Variants in ENKUR observed in about 807,000 individuals in gnomAD.
ENKUR encodes the protein enkurin.
ENKUR carries 19 observed loss-of-function variants against 27.6 expected under a neutral mutation model. The ratio of observed to expected loss-of-function variants is 0.69; its 90% confidence interval spans 0.48 to 1.01. ENKUR has a LOEUF of 1.01. Among genes scored for constraint, ENKUR ranks in the 50% least tolerant of loss-of-function variants. ENKUR has a pLI of 0.00. For missense variants in ENKUR, 312 were observed against 310.5 expected, an observed-to-expected ratio of 1.00 and a Z score of -0.04; for synonymous variants, 117 against 96.9, an observed-to-expected ratio of 1.21 and a Z score of -1.22.
At chr10:25,045,813 T>C (rs577343581) in intron 2 of ENKUR, among the ~76,000 whole-genome samples, 32 of 152,304 alleles carry the variant, frequency 2.1e-4, no homozygotes, top group Admixed American at 1.8e-3. Flanking sequence ...TGCAAGCTTA[T>C]GGTGACACTT....
intron 2 of ENKUR, among the ~76,000 whole-genome samples, chr10:25,054,964 T>C (rs187892290): frequency 3.9e-5 from 6 of 152,266 alleles, no homozygotes; most frequent in African/African-American, 1.4e-4. Flanking sequence ...CGTGAGCCAC[T>C]GCACCTGGCT....
At chr10:24,984,484 T>C in intron 5 of ENKUR, 108 bp from the exon 6 acceptor site, 1 of 1,337,810 alleles carries the variant, frequency 7.5e-7, no homozygotes, top group South Asian at 1.4e-5. Context: ...ATGAATTACA[T>C]TGTGGAACTG....
chr10:25,014,440 A>G (rs1211750431), intron 1 of ENKUR, among the ~76,000 whole-genome samples: 1 of 152,202 alleles, frequency 6.6e-6, no homozygotes, highest in Non-Finnish European at 1.5e-5. Context: ...GAACAGATAT[A>G]CTAGTGCAAT....
chr10:24,995,544 G>T, intron 3 of ENKUR, 102 bp downstream of exon 3: 1 of 1,037,570 alleles, frequency 9.6e-7, no homozygotes, highest in Non-Finnish European at 1.4e-6. Context: ...TAGACAATGT[G>T]TCCAATGAGA....
intron 2 of ENKUR, among the ~76,000 whole-genome samples, chr10:25,035,407 T>C (rs12261100): frequency 0.1 from 15,335 of 152,054 alleles, 2,232 homozygotes; most frequent in African/African-American, 0.33. Context: ...CTACAAAAAT[T>C]AGCTGGGCGT....
chr10:25,020,278 A>ATC (rs1169344482), upstream of ENKUR, among the ~76,000 whole-genome samples: 45 of 148,934 alleles, frequency 3.0e-4, no homozygotes, highest in East Asian at 1.8e-3. Flanking sequence ...CTATATCTAT[A>ATC]TATATCTACC....
chr10:25,002,483 G>A (rs574939130), intron 1 of ENKUR, among the ~76,000 whole-genome samples: 1 of 152,284 alleles, frequency 6.6e-6, no homozygotes, highest in South Asian at 2.1e-4. Context: ...TCTCCAGAGA[G>A]TATGCTGGGG....
chr10:25,008,506 C>T (rs1001047453), intron 1 of ENKUR, among the ~76,000 whole-genome samples: 3 of 152,132 alleles, frequency 2.0e-5, no homozygotes, highest in Non-Finnish European at 4.4e-5. Flanking sequence ...TAAGTGTTAA[C>T]AGTATTGACA....
At chr10:25,032,056 G>C (rs1330274379) in intron 2 of ENKUR, among the ~76,000 whole-genome samples, 1 of 151,974 alleles carries the variant, frequency 6.6e-6, no homozygotes, top group African/African-American at 2.4e-5. Context: ...GCTTGTTTTG[G>C]TCTCTGTCTT....
chr10:25,036,324 T>A (rs1479121086), intron 2 of ENKUR, among the ~76,000 whole-genome samples: 1 of 152,200 alleles, frequency 6.6e-6, no homozygotes. Flanking sequence ...TCTGCTGTCA[T>A]GTAAGACATG....
chr10:25,004,762 T>TA (rs756062126), intron 1 of ENKUR, among the ~76,000 whole-genome samples: 2 of 152,228 alleles, frequency 1.3e-5, no homozygotes, highest in Non-Finnish European at 2.9e-5. Flanking sequence ...CTCTTTACTT[T>TA]AATTAGATCC....
chr10:25,005,256 T>G (rs912545370), intron 1 of ENKUR, among the ~76,000 whole-genome samples: 1 of 152,210 alleles, frequency 6.6e-6, no homozygotes, highest in Non-Finnish European at 1.5e-5. Flanking sequence ...TAAAGATAAG[T>G]TATTCTCAAA....
chr10:25,031,480 A>G lies in ENKUR; in HGVS notation c.37+29632T>C, dbSNP rs1005562035. Among the ~76,000 whole-genome samples, 11 of 152,314 alleles carry G rather than the reference A, an allele frequency of 7.2e-5. No individual in the cohort carries two copies. The East Asian group carries it at 1.7e-3, about 24-fold the overall frequency. On this transcript the variant is annotated intron_variant, in intron 2 of 5. Transcript: ENST00000615958. ...GTAGCAAAAGAGCAGAAGACATGCT[A>G]AACTGAACCCAGTCAACCCACAGAA...
At chr10:25,057,127 A>C (rs1260375859) in intron 2 of ENKUR, among the ~76,000 whole-genome samples, 2 of 152,164 alleles carry the variant, frequency 1.3e-5, no homozygotes, top group Admixed American at 1.3e-4. Flanking sequence ...TAAAAAGAAA[A>C]TGAGCTATAT....
intron 2 of ENKUR, among the ~76,000 whole-genome samples, chr10:25,058,300 T>C (rs1453976648): frequency 2.0e-5 from 3 of 152,050 alleles, no homozygotes; most frequent in African/African-American, 7.2e-5. Flanking sequence ...TTTGAACTCC[T>C]GGGTTCAAGT....
chr10:25,002,574 C>A (rs967633485), intron 1 of ENKUR, among the ~76,000 whole-genome samples: 3 of 152,068 alleles, frequency 2.0e-5, no homozygotes, highest in African/African-American at 7.3e-5. Context: ...AGTCTGATAA[C>A]TGTTGTTTCA....
intron 3 of ENKUR, among the ~76,000 whole-genome samples, chr10:24,993,292 T>C (rs1849967703): frequency 6.6e-6 from 1 of 152,248 alleles, no homozygotes; most frequent in Admixed American, 6.5e-5. Context: ...TATATTATAC[T>C]ATTCACTCTT....
In ENKUR at chr10:24,999,510, G is replaced by C. The variant is rs1850141571; in HGVS notation, c.114C>G (p.Asp38Glu). Reference protein sequence around the residue: ...ISIFKATVKDDMQKAKTAMKT... With the variant: ...ISIFKATVKDEMQKAKTAMKT... The stretch of plus-strand genomic sequence containing the variant: ...TCATTGCAGTTTTAGCTTTTTGCAT[G>C]TCATCTTTTACAGTTGCCTTAAAAA... The change falls in exon 2 of 6, where the codon GAC (aspartate) becomes GAG (glutamate). Residue 38 changes from aspartate to glutamate, a missense_variant. Coordinates refer to ENST00000331161, the MANE Select transcript of ENKUR (RefSeq NM_145010.4). The C allele has an allele frequency of 1.9e-6, 3 of 1,612,480 alleles. No homozygotes were observed. Among genetic ancestry groups the C allele is most frequent in the Non-Finnish European group, 2.5e-6 (3 of 1,179,420 alleles).
intron 4 of ENKUR, among the ~76,000 whole-genome samples, chr10:24,988,795 T>A (rs1329871299): frequency 1.4e-5 from 2 of 147,668 alleles, no homozygotes; most frequent in African/African-American, 5.0e-5. Context: ...ATAATGAGAC[T>A]GTTATTTTAT....
Sources: allele counts gnomAD v4.1 joint callset (sites outside exome capture counted in the v4.1 genomes callset), GRCh38; gene constraint gnomAD v4.1.1; transcripts MANE v1.5; gene names NCBI Gene and HGNC (gene_info 2026-07-23, HGNC 2026-07-21).